Variants in RIMS2 observed in about 807,000 individuals in gnomAD.
RIMS2 encodes the protein regulating synaptic membrane exocytosis protein 2.
A neutral mutation model predicts 174.4 loss-of-function variants in RIMS2; 59 were observed. The ratio of observed to expected loss-of-function variants is 0.34; its 90% CI spans 0.27 to 0.42. RIMS2 has a LOEUF of 0.42. Among genes scored for constraint, RIMS2 ranks in the 10% least tolerant of loss-of-function variants. RIMS2 has a pLI of 1.00. For synonymous variants in RIMS2, 606 were observed against 572.5 expected, an observed-to-expected ratio of 1.06 and a Z score of -0.84; for missense variants, 1,620 against 1,666.3, an observed-to-expected ratio of 0.97 and a Z score of 0.48.
exon 22 of RIMS2, chr8:104,249,571 G>T (rs372761966): frequency 6.2e-7 from 1 of 1,600,818 alleles, no homozygotes; most frequent in South Asian, 1.1e-5. Flanking sequence ...GTAAAACCAG[G>T]TTCCAAGACA....
chr8:104,163,739 A>C (rs1265778394), intron 19 of RIMS2, among the ~76,000 whole-genome samples: 1 of 152,198 alleles, frequency 6.6e-6, no homozygotes, highest in Admixed American at 6.5e-5. Context: ...TTTTATTCCA[A>C]AGATGTAAAA....
rs549955574 is a variant in RIMS2 at position 104,175,475 on chromosome 8, T to A, written c.3335-69441T>A. The stretch of plus-strand genomic sequence containing the variant: ...TACAATCAAATTATACTCAGTTATT[T>A]TAAAATGTATAATAAATTATTGCTG... On this transcript the variant is annotated intron_variant, in intron 19 of 23. Coordinates refer to ENST00000504942, the Ensembl canonical transcript of RIMS2. Among the ~76,000 whole-genome samples the A allele has an allele frequency of 2.0e-5, 3 of 152,292 alleles. No homozygotes were observed. In the South Asian group the frequency reaches 6.2e-4, roughly 32 times the overall value.
intron 13 of RIMS2, among the ~76,000 whole-genome samples, chr8:103,938,770 G>T (rs1306150084): frequency 6.6e-6 from 1 of 152,180 alleles, no homozygotes. Flanking sequence ...TACAATGGGG[G>T]TACACGCATT....
chr8:104,103,918 A>G (rs1295536962), intron 19 of RIMS2, among the ~76,000 whole-genome samples: 1 of 152,170 alleles, frequency 6.6e-6, no homozygotes, highest in Non-Finnish European at 1.5e-5. Context: ...GGACCCTGCA[A>G]GTGACAAATT....
chr8:103,830,679 T>TC, intron 3 of RIMS2, among the ~76,000 whole-genome samples: 1 of 152,256 alleles, frequency 6.6e-6, no homozygotes, highest in Non-Finnish European at 1.5e-5. Flanking sequence ...TCCTATTTTT[T>TC]CTCTCAATTG....
At chr8:103,944,279 C>A (rs1278535639) in intron 14 of RIMS2, among the ~76,000 whole-genome samples, 1 of 152,030 alleles carries the variant, frequency 6.6e-6, no homozygotes, top group Non-Finnish European at 1.5e-5. Flanking sequence ...AATTACATTA[C>A]AATGAATTGT....
intron 1 of RIMS2, chr8:103,559,479 C>T: frequency 3.3e-6 from 1 of 300,208 alleles, no homozygotes. Context: ...GAGTTTCCTG[C>T]TGTGGAGGTG....
chr8:103,507,357 A>G (rs945949481), intron 1 of RIMS2, among the ~76,000 whole-genome samples: 6 of 152,256 alleles, frequency 3.9e-5, no homozygotes, highest in Non-Finnish European at 7.4e-5. Flanking sequence ...ACTCTGCTAG[A>G]TTATCAACTC....
At chr8:104,071,042 T>C (rs372172149) in intron 19 of RIMS2, among the ~76,000 whole-genome samples, 1 of 152,136 alleles carries the variant, frequency 6.6e-6, no homozygotes, top group Non-Finnish European at 1.5e-5. Flanking sequence ...TGATCAGTTA[T>C]ATGATTTACA....
chr8:104,160,833 T>C (rs2098756559), intron 19 of RIMS2, among the ~76,000 whole-genome samples: 1 of 152,166 alleles, frequency 6.6e-6, no homozygotes, highest in Non-Finnish European at 1.5e-5. Flanking sequence ...GATCTTAAAA[T>C]CTACTAGAGG....
chr8:104,027,069 C>G (rs72683157), intron 19 of RIMS2, among the ~76,000 whole-genome samples: 1 of 152,104 alleles, frequency 6.6e-6, no homozygotes, highest in Non-Finnish European at 1.5e-5. Context: ...GATGGACATT[C>G]AGTCACATCT....
chr8:103,697,224 C>T (rs1424242926), exon 2 of RIMS2: 1 of 1,613,592 alleles, frequency 6.2e-7, no homozygotes, highest in Non-Finnish European at 8.5e-7. Flanking sequence ...ATGGATGTGG[C>T]CATAACTGTT....
chr8:104,226,083 A>C (rs1339224889), intron 19 of RIMS2, among the ~76,000 whole-genome samples: 1 of 152,156 alleles, frequency 6.6e-6, no homozygotes, highest in Non-Finnish European at 1.5e-5. Flanking sequence ...CATGTGGTTA[A>C]CATATTCAGG....
intron 14 of RIMS2, among the ~76,000 whole-genome samples, chr8:103,952,167 G>A (rs548132528): frequency 2.9e-4 from 44 of 149,906 alleles, no homozygotes; most frequent in African/African-American, 1.1e-3. Flanking sequence ...AGGAGCGGTT[G>A]GGGGCGCAGC....
chr8:104,175,938 C>A (rs2098888038), intron 19 of RIMS2, among the ~76,000 whole-genome samples: 1 of 152,012 alleles, frequency 6.6e-6, no homozygotes, highest in African/African-American at 2.4e-5. Flanking sequence ...CTGTATAATT[C>A]TCTTCATGTT....
chr8:103,539,220 A>C (rs1841370457), intron 1 of RIMS2, among the ~76,000 whole-genome samples: 2 of 152,216 alleles, frequency 1.3e-5, no homozygotes, highest in Non-Finnish European at 2.9e-5. Flanking sequence ...TGAGAAAAAG[A>C]TGACATTATT....
intron 3 of RIMS2, among the ~76,000 whole-genome samples, chr8:103,822,192 G>T (rs1040440024): frequency 1.3e-5 from 2 of 151,680 alleles, no homozygotes; most frequent in African/African-American, 2.4e-5. Flanking sequence ...ATTATTAAAA[G>T]GGGGCCTTTT....
intron 19 of RIMS2, among the ~76,000 whole-genome samples, chr8:104,139,944 C>A (rs1396684567): frequency 6.6e-6 from 1 of 151,906 alleles, no homozygotes; most frequent in Non-Finnish European, 1.5e-5. Context: ...CCTTCTATAC[C>A]CAGTTTTTTG....
intron 1 of RIMS2, 39 bp from the exon 3 acceptor site, chr8:103,652,585 A>C: frequency 3.7e-6 from 4 of 1,088,392 alleles, no homozygotes; most frequent in Non-Finnish European, 5.1e-6. Context: ...ATTGTTATTC[A>C]TTTGGTTATT....
Sources: gnomAD v4.1 joint callset for allele counts (sites outside exome capture counted in the v4.1 genomes callset) on GRCh38, gnomAD v4.1.1 for gene constraint, MANE v1.5 for transcripts, NCBI Gene and HGNC (gene_info 2026-07-23, HGNC 2026-07-21) for gene names.